The following RCOR1 variants were observed in gnomAD, a reference collection of about 807,000 sequenced individuals.
The protein encoded by RCOR1 is REST corepressor 1.
Under a neutral mutation model 64.0 loss-of-function variants are expected in RCOR1, and 12 were observed. The observed-to-expected ratio is 0.19, with a 90% CI of 0.12 to 0.30. The LOEUF (loss-of-function observed/expected upper bound fraction) is 0.30, where lower values mean the gene tolerates loss of function less well. RCOR1 is among the 10% of genes least tolerant of loss of function. The pLI, the probability that RCOR1 is intolerant of heterozygous loss-of-function variation, is 1.00. For synonymous variants in RCOR1, 279 were observed against 227.2 expected (o/e 1.23, Z -2.05); for missense variants, 502 against 621.2 (o/e 0.81, Z 2.04).
At chr14:102,691,783 T>C (rs146426992) in intron 3 of RCOR1, among the ~76,000 whole-genome samples, 2 of 152,364 alleles carry the variant, frequency 1.3e-5, no homozygotes, top group African/African-American at 4.8e-5. Context: ...TCTGTATCTT[T>C]ATACAGAAAA....
chr14:102,712,970 T>A (rs1895992074), intron 7 of RCOR1, among the ~76,000 whole-genome samples: 1 of 113,724 alleles, frequency 8.8e-6, no homozygotes, highest in Non-Finnish European at 1.8e-5. Flanking sequence ...TTTTTTTTTT[T>A]TGGAGATGGA....
intron 2 of RCOR1, among the ~76,000 whole-genome samples, chr14:102,614,844 T>G (rs1893719150): frequency 6.6e-6 from 1 of 151,976 alleles, no homozygotes; most frequent in Non-Finnish European, 1.5e-5. Context: ...ATTTTTTTTT[T>G]TTTTTGAGAC....
intron 2 of RCOR1, among the ~76,000 whole-genome samples, chr14:102,656,784 T>C (rs532677653): frequency 6.7e-6 from 1 of 148,994 alleles, no homozygotes; most frequent in African/African-American, 2.5e-5. Flanking sequence ...TTTCTTTTCT[T>C]TTTTTTTTTG....
At chr14:102,607,368 G>T (rs367669570) in intron 2 of RCOR1, among the ~76,000 whole-genome samples, 3 of 152,114 alleles carry the variant, frequency 2.0e-5, no homozygotes, top group African/African-American at 7.2e-5. Flanking sequence ...TCCTTATAAT[G>T]AATTTGTATA....
intron 4 of RCOR1, among the ~76,000 whole-genome samples, chr14:102,703,680 C>G (rs1406630955): frequency 6.6e-6 from 1 of 152,104 alleles, no homozygotes; most frequent in Non-Finnish European, 1.5e-5. Flanking sequence ...CTGAAGAGAC[C>G]ACAGTGGAGC....
At chr14:102,650,990 C>T (rs552448060) in intron 2 of RCOR1, 6 of 861,502 alleles carry the variant, frequency 7.0e-6, no homozygotes, top group Non-Finnish European at 8.4e-6. Flanking sequence ...TAATAGAATA[C>T]AGGTATCTTA....
chr14:102,693,346 G>GCA (rs755996027), intron 3 of RCOR1, among the ~76,000 whole-genome samples: 2 of 151,298 alleles, frequency 1.3e-5, no homozygotes, highest in African/African-American at 4.8e-5. Flanking sequence ...GCAGCACCAG[G>GCA]CACACAGTAG....
intron 2 of RCOR1, among the ~76,000 whole-genome samples, chr14:102,596,269 T>C (rs976209337): frequency 2.6e-5 from 4 of 151,980 alleles, no homozygotes; most frequent in Non-Finnish European, 5.9e-5. Context: ...GCCTGGCTAA[T>C]TTTTTGTATT....
chr14:102,653,458 G>C (rs1894634482), intron 2 of RCOR1, among the ~76,000 whole-genome samples: 1 of 152,184 alleles, frequency 6.6e-6, no homozygotes. Context: ...AAAGCGTTGG[G>C]ATTACAGGCA....
rs924446896 is a variant in RCOR1 at position 102,730,243 on chromosome 14, A to T, written c.*3737A>T. The T allele has an allele frequency of 4.2e-5, 16 of 382,172 alleles. No individual in the cohort carries two copies. The highest frequency in any genetic ancestry group is 7.4e-5 in the Non-Finnish European group (16 of 216,190). The allele number at this position is 382,172 out of a possible 1,614,324, so 23.7% of individuals were successfully genotyped here. On this transcript the variant is annotated 3_prime_UTR_variant, in exon 12 of 12. Transcript: ENST00000262241. ...TAAAAAATTTTCAAGATTTTAAAAGATGTATAAGGTTAAGTTTGCAAATAT... is the reference window on the plus strand; with the variant it reads ...TAAAAAATTTTCAAGATTTTAAAAGTTGTATAAGGTTAAGTTTGCAAATAT...
chr14:102,660,864 T>C (rs79238433), intron 2 of RCOR1, among the ~76,000 whole-genome samples: 131 of 152,296 alleles, frequency 8.6e-4, no homozygotes, highest in Non-Finnish European at 1.6e-3. Flanking sequence ...AGGATAGATA[T>C]TTCCTTAGTA....
At position 102,643,628 on chromosome 14, in the gene RCOR1, C is replaced by G. The variant is rs146131118; in HGVS notation, c.362-38267C>G. Among the ~76,000 whole-genome samples the G allele has an allele frequency of 9.8e-4, 149 of 152,204 alleles. 1 individual carries two copies. The highest frequency in any genetic ancestry group is 3.5e-3 in the African/African-American group (144 of 41,530). On this transcript the variant is annotated intron_variant, in intron 2 of 11. Coordinates refer to ENST00000262241, the MANE Select transcript of RCOR1 (RefSeq NM_015156.4). ...AGCTGATGGGCTGACTGAAAGTCTCCAGGAATTCTTCCTGTCTCTAGATTA... is the reference window on the plus strand; with the variant it reads ...AGCTGATGGGCTGACTGAAAGTCTCGAGGAATTCTTCCTGTCTCTAGATTA...
rs1203019926 is a variant in RCOR1, at chr14:102,727,070, A to G, written c.*564A>G. 1 of 152,364 alleles carries G rather than the reference A, an allele frequency of 6.6e-6. No homozygotes were observed. The highest frequency in any genetic ancestry group is 2.4e-5 in the African/African-American group (1 of 41,442). The allele number at this position is 152,364 out of a possible 1,614,324, so 9.4% of individuals were successfully genotyped here. On this transcript the variant is annotated 3_prime_UTR_variant, in exon 12 of 12. Transcript: ENST00000262241. ...TTATCATGCCAAGCATCCTGATGCAACTCACATTTCCCTAAACATGGGGTA... is the reference window on the plus strand; with the variant it reads ...TTATCATGCCAAGCATCCTGATGCAGCTCACATTTCCCTAAACATGGGGTA...
intron 2 of RCOR1, among the ~76,000 whole-genome samples, chr14:102,611,506 A>AT (rs1893636173): frequency 6.6e-6 from 1 of 151,210 alleles, no homozygotes; most frequent in Non-Finnish European, 1.5e-5. Flanking sequence ...TTATCTGTTG[A>AT]TTTTTGGATG....
At chr14:102,598,201 T>C (rs1332380810) in intron 2 of RCOR1, among the ~76,000 whole-genome samples, 1 of 152,014 alleles carries the variant, frequency 6.6e-6, no homozygotes, top group African/African-American at 2.4e-5. Context: ...GGTGATCCAC[T>C]CACCTCGGCC....
chr14:102,653,943 C>G (rs796379998), intron 2 of RCOR1, among the ~76,000 whole-genome samples: 2 of 37,574 alleles, frequency 5.3e-5, no homozygotes, highest in African/African-American at 2.0e-4. Flanking sequence ...TTCTTTCTTT[C>G]TTTCTTTCTT....
At chr14:102,594,594 A>G (rs897106172) in intron 2 of RCOR1, among the ~76,000 whole-genome samples, 2 of 151,990 alleles carry the variant, frequency 1.3e-5, no homozygotes, top group African/African-American at 2.4e-5. Flanking sequence ...TTATTTGTCT[A>G]ATACTCGCGT....
At chr14:102,701,413 G>A in intron 4 of RCOR1, 83 bp downstream of exon 4, 3 of 1,058,588 alleles carry the variant, frequency 2.8e-6, no homozygotes, top group Non-Finnish European at 4.0e-6. Flanking sequence ...TCTTTGTATT[G>A]AGTAGCAGTG....
Position 102,728,175 on chromosome 14 carries a change from T to A in RCOR1, c.*1669T>A, listed in dbSNP as rs1595250017. On this transcript the variant is annotated 3_prime_UTR_variant, in exon 12 of 12. Coordinates refer to ENST00000262241, the MANE Select transcript of RCOR1 (RefSeq NM_015156.4). Reference sequence around the variant, plus strand: ...CCTAGGTTTTTTGGAATTGTAAATTTTTTTTTAGTATAGTCTGGAGAGAAA... The same window carrying A: ...CCTAGGTTTTTTGGAATTGTAAATTATTTTTTAGTATAGTCTGGAGAGAAA... 6.6e-6 allele frequency: 1 copy of A among 152,366 alleles called. No individual in the cohort carries two copies. Among genetic ancestry groups the A allele is most frequent in the Non-Finnish European group, 1.5e-5 (1 of 68,034 alleles). The allele number at this position is 152,366 out of a possible 1,614,324, so 9.4% of individuals were successfully genotyped here.
Sources: gnomAD v4.1 joint callset for allele counts (sites outside exome capture counted in the v4.1 genomes callset) on GRCh38, gnomAD v4.1.1 for gene constraint, MANE v1.5 for transcripts, NCBI Gene and HGNC (gene_info 2026-07-23, HGNC 2026-07-21) for gene names.